The following LPP variants were observed in gnomAD, a reference collection of about 807,000 sequenced individuals.
LPP encodes the protein LIM domain containing preferred translocation partner in lipoma.
In LPP, 38 loss-of-function variants were observed where a neutral mutation model predicts 60.4. That is an observed-to-expected ratio of 0.63 (90% confidence interval 0.49 to 0.83). The LOEUF (loss-of-function observed/expected upper bound fraction) is 0.83, where lower values mean the gene tolerates loss of function less well. LPP is among the 40% of genes least tolerant of loss of function. The pLI, the probability that LPP is intolerant of heterozygous loss-of-function variation, is 0.00. For missense variants in LPP, 902 were observed against 783.6 expected (o/e 1.15, Z -1.80); for synonymous variants, 328 against 290.8 (o/e 1.13, Z -1.30).
chr3:188,720,638 G>A (rs947470151), intron 8 of LPP, among the ~76,000 whole-genome samples: 1 of 150,136 alleles, frequency 6.7e-6, no homozygotes, highest in Non-Finnish European at 1.5e-5. Flanking sequence ...AATCACAGAA[G>A]CAGGTCCAAG....
At chr3:188,369,929 C>CTATT (rs1335692650) in intron 3 of LPP, among the ~76,000 whole-genome samples, 1 of 152,062 alleles carries the variant, frequency 6.6e-6, no homozygotes, top group Non-Finnish European at 1.5e-5. Context: ...CTGATTATTT[C>CTATT]TATTTATTTA....
chr3:188,434,642 G>A (rs932844854), intron 4 of LPP, among the ~76,000 whole-genome samples: 2 of 152,164 alleles, frequency 1.3e-5, no homozygotes, highest in Non-Finnish European at 2.9e-5. Context: ...AATTTAAGGG[G>A]ATAAACCTGA....
intron 4 of LPP, among the ~76,000 whole-genome samples, chr3:188,448,797 C>T (rs1795934006): frequency 6.6e-6 from 1 of 152,146 alleles, no homozygotes; most frequent in African/African-American, 2.4e-5. Context: ...GTGTCTGAGG[C>T]TTTTTATGTT....
chr3:188,762,037 T>G (rs1241087167), intron 9 of LPP, among the ~76,000 whole-genome samples: 1 of 152,196 alleles, frequency 6.6e-6, no homozygotes, highest in Non-Finnish European at 1.5e-5. Context: ...TGTCTATTTT[T>G]TATCCCTTTT....
intron 6 of LPP, among the ~76,000 whole-genome samples, chr3:188,593,698 G>A (rs1479299417): frequency 6.6e-6 from 1 of 152,112 alleles, no homozygotes; most frequent in Non-Finnish European, 1.5e-5. Context: ...ACGATGTTCG[G>A]TTTCCCATTC....
chr3:188,563,842 G>A (rs1253989098), intron 6 of LPP, among the ~76,000 whole-genome samples: 1 of 151,438 alleles, frequency 6.6e-6, no homozygotes, highest in Non-Finnish European at 1.5e-5. Flanking sequence ...AGTTGCTTGG[G>A]GATGTGTTGT....
intron 2 of LPP, among the ~76,000 whole-genome samples, chr3:188,227,977 C>A (rs1718427432): frequency 6.6e-6 from 1 of 152,238 alleles, no homozygotes; most frequent in African/African-American, 2.4e-5. Context: ...AAAGGAATAT[C>A]TGGGTGCTGT....
intron 1 of LPP, among the ~76,000 whole-genome samples, chr3:188,169,739 G>A (rs1189305632): frequency 6.6e-6 from 1 of 152,162 alleles, no homozygotes; most frequent in African/African-American, 2.4e-5. Flanking sequence ...TGGGTTCAGT[G>A]ATGTAATATG....
intron 8 of LPP, among the ~76,000 whole-genome samples, chr3:188,723,506 C>G (rs1013876873): frequency 6.6e-6 from 1 of 152,126 alleles, no homozygotes; most frequent in African/African-American, 2.4e-5. Context: ...CTCTATTGAA[C>G]GTCTGGTCCC....
chr3:188,433,599 TGAGAGAGAGA>T lies in LPP; in HGVS notation c.193+27306_193+27315del, dbSNP rs59204304. ...GAGAGAAAGAGAGAGAGACAGAAAG[TGAGAGAGAGA>T]GAGAGAGAGAGAGAGAGAGGAGAAA... On this transcript the variant is annotated intron_variant, in intron 4 of 11. Transcript: ENST00000617246. Among the ~76,000 whole-genome samples, 393 of 137,528 alleles carry T rather than the reference TGAGAGAGAGA, an allele frequency of 2.9e-3. 3 individuals carry two copies. Among genetic ancestry groups the T allele is most frequent in the African/African-American group, 9.6e-3 (354 of 36,972 alleles). The allele number at this position is 137,528 out of a possible 152,430, so 90.2% of individuals were successfully genotyped here.
intron 7 of LPP, among the ~76,000 whole-genome samples, chr3:188,699,547 A>G (rs750155184): frequency 5.3e-5 from 8 of 152,256 alleles, no homozygotes; most frequent in Non-Finnish European, 1.2e-4. Flanking sequence ...ATCAACTGGG[A>G]TGAGTTTCAA....
chr3:188,233,340 A>C (rs1171795660), intron 2 of LPP, among the ~76,000 whole-genome samples: 2 of 152,112 alleles, frequency 1.3e-5, no homozygotes, highest in Non-Finnish European at 1.5e-5. Flanking sequence ...GGTGAATTCT[A>C]CTCAGGTGCC....
At chr3:188,471,470 T>A (rs1340278487) in intron 4 of LPP, among the ~76,000 whole-genome samples, 1 of 152,140 alleles carries the variant, frequency 6.6e-6, no homozygotes, top group South Asian at 2.1e-4. Flanking sequence ...ATTAGAAAAA[T>A]TTGGTGTAAT....
chr3:188,829,524 T>C (rs766020177), intron 9 of LPP, among the ~76,000 whole-genome samples: 10 of 152,208 alleles, frequency 6.6e-5, no homozygotes, highest in Non-Finnish European at 2.9e-5. Flanking sequence ...AGACCCAATG[T>C]CATACATCTT....
chr3:188,836,447 C>A (rs931570740), intron 9 of LPP, among the ~76,000 whole-genome samples: 2 of 152,154 alleles, frequency 1.3e-5, no homozygotes, highest in Admixed American at 1.3e-4. Context: ...CTTTCCAATC[C>A]TGTATGGAGT....
intron 2 of LPP, among the ~76,000 whole-genome samples, chr3:188,258,093 G>T (rs572659299): frequency 6.6e-6 from 1 of 152,328 alleles, no homozygotes; most frequent in South Asian, 2.1e-4. Flanking sequence ...CAGGCCCACG[G>T]GGCCCAGATG....
At position 188,835,923 on chromosome 3, in the gene LPP, G is replaced by A. The variant is rs140788145; in HGVS notation, c.1411-30277G>A. Reference sequence around the variant, plus strand: ...GGAAACCATTATAATTGTCTCAGATGTGCATCTTGTTCCAGGGTACTTCTT... The same window carrying A: ...GGAAACCATTATAATTGTCTCAGATATGCATCTTGTTCCAGGGTACTTCTT... On this transcript the variant is annotated intron_variant, in intron 9 of 11. Coordinates refer to ENST00000617246, the MANE Select transcript of LPP (RefSeq NM_001375462.1). Among the ~76,000 whole-genome samples the A allele has an allele frequency of 1.6e-4, 24 of 152,322 alleles. No individual in the cohort carries two copies. In the East Asian group the frequency reaches 4.2e-3, roughly 27 times the overall value.
At position 188,291,487 on chromosome 3, in the gene LPP, GA is replaced by G. The variant is rs1050853674; in HGVS notation, c.-66-50167del. ...ACCCCATCTCTACTAAAAATAGAAA[GA>G]AAAAAAAATTAGCCGGGCATGGTGG... On this transcript the variant is annotated intron_variant, in intron 2 of 11. Coordinates refer to ENST00000617246, the MANE Select transcript of LPP (RefSeq NM_001375462.1). Among the ~76,000 whole-genome samples the G allele has an allele frequency of 7.9e-4, 119 of 150,288 alleles. 1 individual carries two copies. The highest frequency in any genetic ancestry group is 4.4e-3 in the Admixed American group (66 of 15,072).
chr3:188,317,658 C>A (rs758147465), intron 2 of LPP, among the ~76,000 whole-genome samples: 1 of 152,118 alleles, frequency 6.6e-6, no homozygotes, highest in Admixed American at 6.5e-5. Context: ...TAGTGTAGTG[C>A]AACTAAGCAG....
Sources: gnomAD v4.1 joint callset for allele counts (sites outside exome capture counted in the v4.1 genomes callset) on GRCh38, gnomAD v4.1.1 for gene constraint, MANE v1.5 for transcripts, NCBI Gene and HGNC (gene_info 2026-07-23, HGNC 2026-07-21) for gene names.